The following IGFBPL1 variants were observed in gnomAD, a reference collection of about 807,000 sequenced individuals.
IGFBPL1 encodes the protein insulin like growth factor binding protein like 1, also known as insulin-like growth factor-binding protein-like 1.
In IGFBPL1, 20 loss-of-function variants were observed where a neutral mutation model predicts 23.9. The ratio of observed to expected loss-of-function variants is 0.84; its 90% CI spans 0.59 to 1.22. The LOEUF is 1.22. IGFBPL1 is among the 50% of genes most tolerant of loss of function. IGFBPL1 has a pLI of 0.00. For synonymous variants in IGFBPL1, 184 were observed against 171.8 expected (o/e 1.07, Z -0.56); for missense variants, 436 against 379.3 (o/e 1.15, Z -1.24).
rs1326535167 is a variant in IGFBPL1, at chr9:38,409,152, C to T, written c.*75G>A. The T allele has an allele frequency of 2.0e-5, 3 of 152,184 alleles. No individual in the cohort carries two copies. Among genetic ancestry groups the T allele is most frequent in the African/African-American group, 7.2e-5 (3 of 41,444 alleles). The allele number at this position is 152,184 out of a possible 1,614,324, so 9.4% of individuals were successfully genotyped here. On this transcript the variant is annotated 3_prime_UTR_variant, in exon 5 of 5. Transcript: ENST00000377694. Reference sequence around the variant, plus strand: ...ATCTACACACACAGGTTTTCCAACTCTTCATGAAGCACAAAGATCCGTTAT... The same window carrying T: ...ATCTACACACACAGGTTTTCCAACTTTTCATGAAGCACAAAGATCCGTTAT...
rs372934827 is a variant in IGFBPL1 at position 38,411,400 on chromosome 9, T to A, written c.837A>T (p.Ter279CysextTer34). ...GACTTAGAACATGTACATTTCTCCA[T>A]CACATGCGGTCATCGGGAGCTGGGA... ...FHFPAPDDRM[*>C] is the part of the protein sequence containing the mutation. The change falls in exon 4 of 5, where the codon TGA becomes TGT. Residue 279 changes from the stop codon to cysteine (C), a stop_lost. Coordinates refer to ENST00000377694, the MANE Select transcript of IGFBPL1 (RefSeq NM_001007563.3). 27 of 1,612,426 alleles carry A rather than the reference T, an allele frequency of 1.7e-5. No individual in the cohort carries two copies. In the African/African-American group the frequency reaches 3.5e-4, roughly 21 times the overall value.
intron 3 of IGFBPL1, 37 bp downstream of exon 3, chr9:38,413,200 G>C: frequency 8.0e-7 from 1 of 1,254,216 alleles, no homozygotes; most frequent in South Asian, 1.2e-5. Context: ...GGTTTATAAT[G>C]GTCAGTCAAT....
chr9:38,412,790 C>T (rs1407074863), intron 3 of IGFBPL1, among the ~76,000 whole-genome samples: 1 of 152,208 alleles, frequency 6.6e-6, no homozygotes, highest in African/African-American at 2.4e-5. Context: ...TTTCCAACAT[C>T]ATCAAAGCCA....
intron 1 of IGFBPL1, among the ~76,000 whole-genome samples, chr9:38,422,291 T>C (rs1406211143): frequency 6.6e-6 from 1 of 152,204 alleles, no homozygotes; most frequent in Non-Finnish European, 1.5e-5. Flanking sequence ...TGAATGTCTT[T>C]AAGGTGCCTT....
At chr9:38,421,131 A>G (rs1821671604) in intron 1 of IGFBPL1, among the ~76,000 whole-genome samples, 1 of 151,790 alleles carries the variant, frequency 6.6e-6, no homozygotes, top group Non-Finnish European at 1.5e-5. Context: ...TGTCTCTACA[A>G]AAAATTCTAA....
At chr9:38,414,025 C>T in intron 2 of IGFBPL1, 69 bp downstream of exon 2, 2 of 887,966 alleles carry the variant, frequency 2.3e-6, no homozygotes, top group Non-Finnish European at 3.6e-6. Context: ...TCTGTTTCTC[C>T]CTCTTTCTCA....
intron 1 of IGFBPL1, among the ~76,000 whole-genome samples, chr9:38,418,377 T>C (rs1459126513): frequency 6.6e-6 from 1 of 152,142 alleles, no homozygotes; most frequent in African/African-American, 2.4e-5. Context: ...TCAAAGGCTG[T>C]TGTGAGGAAC....
Position 38,424,003 on chromosome 9 carries a change from C to A in IGFBPL1, c.422G>T (p.Gly141Val). Residue 141 changes from glycine (G) to valine (V), a missense_variant, in exon 1 of 5, where the codon GGT becomes GTT. Transcript: ENST00000377694. ...RARHTPRAHP[G>V]HLHKARDGPC... ...GCCGTCGCGCGCCTTGTGCAGGTGACCGGGGTGCGCGCGGGGCGTGTGCCG... is the reference window on the plus strand; with the variant it reads ...GCCGTCGCGCGCCTTGTGCAGGTGAACGGGGTGCGCGCGGGGCGTGTGCCG... 7.1e-7 allele frequency: 1 copy of A among 1,411,024 alleles called. No individual in the cohort carries two copies. Among genetic ancestry groups the A allele is most frequent in the Non-Finnish European group, 9.2e-7 (1 of 1,092,794 alleles). The allele number at this position is 1,411,024 out of a possible 1,614,324, so 87.4% of individuals were successfully genotyped here.
intron 1 of IGFBPL1, among the ~76,000 whole-genome samples, chr9:38,419,596 C>T (rs1821646195): frequency 6.6e-6 from 1 of 152,102 alleles, no homozygotes; most frequent in Non-Finnish European, 1.5e-5. Flanking sequence ...GACCCTGTTC[C>T]TATCTAATTT....
At position 38,407,806 on chromosome 9, in the gene IGFBPL1, C is replaced by T. The variant is rs1821448956; in HGVS notation, c.*1421G>A. 6.6e-6 allele frequency among the ~76,000 whole-genome samples: 1 copy of T among 152,202 alleles called. No homozygotes were observed. Among genetic ancestry groups the T allele is most frequent in the Admixed American group, 6.5e-5 (1 of 15,286 alleles). The stretch of plus-strand genomic sequence containing the variant: ...AGGGACATTAACACCTGTCCTGCCC[C>T]ATCTCCCAGAGTTGGGATCAAGCTT... On this transcript the variant is annotated 3_prime_UTR_variant, in exon 5 of 5. Transcript: ENST00000377694.
chr9:38,423,979 C>A lies in IGFBPL1; in HGVS notation c.446G>T (p.Gly149Val). Residue 149 changes from glycine to valine, a missense_variant, in exon 1 of 5, where the codon GGC becomes GTC. Gly to Val is a moderately radical substitution (Grantham distance 109). Coordinates refer to ENST00000377694, the MANE Select transcript of IGFBPL1 (RefSeq NM_001007563.3). ...HPGHLHKARD[G>V]PCEFAPVVVV... ...CCCTGACTCACCGAACTCGCAAGGG[C>A]CGTCGCGCGCCTTGTGCAGGTGACC... is the stretch of plus-strand genomic sequence containing the variant. 7.1e-7 allele frequency: 1 copy of A among 1,404,714 alleles called. No individual in the cohort carries two copies. The highest frequency in any genetic ancestry group is 9.2e-7 in the Non-Finnish European group (1 of 1,088,654). The allele number at this position is 1,404,714 out of a possible 1,614,324, so 87.0% of individuals were successfully genotyped here. A position where few individuals can be genotyped will look rare whatever the true frequency, so the allele number is the denominator to read the frequency against.
intron 1 of IGFBPL1, among the ~76,000 whole-genome samples, chr9:38,417,313 C>T (rs969393875): frequency 1.3e-5 from 2 of 152,184 alleles, no homozygotes; most frequent in Non-Finnish European, 2.9e-5. Context: ...CCTAGAGGAC[C>T]CTTCCACGTA....
intron 1 of IGFBPL1, among the ~76,000 whole-genome samples, chr9:38,419,364 T>C (rs1047012655): frequency 6.6e-6 from 1 of 152,154 alleles, no homozygotes; most frequent in Non-Finnish European, 1.5e-5. Flanking sequence ...GCCTCAGATC[T>C]CCTCCCTCAG....
chr9:38,414,162 T>C lies in IGFBPL1; in HGVS notation c.502A>G (p.Thr168Ala), dbSNP rs751976549. 1 of 1,611,162 alleles carries C rather than the reference T, an allele frequency of 6.2e-7. No homozygotes were observed. Among genetic ancestry groups the C allele is most frequent in the Non-Finnish European group, 8.5e-7 (1 of 1,178,904 alleles). ...VVPPRSVHNV[T>A]GAQVGLSCEV... ...CAGGACAGGCCCACCTGCGCCCCGG[T>C]GACGTTGTGAACACTTCGGGGAGGA... Residue 168 changes from threonine to alanine, a missense_variant, in exon 2 of 5, where the codon ACC becomes GCC. Physicochemically the swap from Thr to Ala is moderately conservative, Grantham distance 58. Coordinates refer to ENST00000377694, the MANE Select transcript of IGFBPL1 (RefSeq NM_001007563.3).
chr9:38,421,530 C>T (rs1821678647), intron 1 of IGFBPL1, among the ~76,000 whole-genome samples: 1 of 152,042 alleles, frequency 6.6e-6, no homozygotes, highest in South Asian at 2.1e-4. Context: ...TTCCCGAGGC[C>T]TCATTCCATG....
At chr9:38,410,408 A>G (rs12376766) in intron 4 of IGFBPL1, among the ~76,000 whole-genome samples, 4,118 of 150,890 alleles carry the variant, frequency 0.027, 85 homozygotes, top group South Asian at 0.042. Context: ...GCGTGAACCC[A>G]GGAGGCAGAG....
At chr9:38,421,438 T>C (rs1342267057) in intron 1 of IGFBPL1, among the ~76,000 whole-genome samples, 1 of 152,078 alleles carries the variant, frequency 6.6e-6, no homozygotes, top group Non-Finnish European at 1.5e-5. Flanking sequence ...AGGGCAGAAT[T>C]TAAGCCTGAA....
chr9:38,424,337 C>T lies in IGFBPL1; in HGVS notation c.88G>A (p.Asp30Asn). The T allele has an allele frequency of 4.0e-6, 4 of 1,000,258 alleles. No individual in the cohort carries two copies. Among genetic ancestry groups the T allele is most frequent in the East Asian group, 3.4e-5 (1 of 29,614 alleles). The allele number at this position is 1,000,258 out of a possible 1,614,324, so 62.0% of individuals were successfully genotyped here. The change falls in exon 1 of 5, where the codon GAC (aspartate) becomes AAC (asparagine). Residue 30 changes from aspartate (D) to asparagine (N), a missense_variant. Physicochemically the swap from Asp to Asn is conservative, Grantham distance 23. Coordinates refer to ENST00000377694, the MANE Select transcript of IGFBPL1 (RefSeq NM_001007563.3). ...CACTTGGGGCGCCGGCCGCCCACGT[C>T]GCGGATCCCAAGGCTCGGGGACAGC... ...PPLSPSLGIRDVGGRRPKCGP... is the reference protein window; with the variant it reads ...PPLSPSLGIRNVGGRRPKCGP...
At chr9:38,413,751 C>T (rs1311593218) in intron 2 of IGFBPL1, among the ~76,000 whole-genome samples, 12 of 152,096 alleles carry the variant, frequency 7.9e-5, no homozygotes, top group Admixed American at 7.9e-4. Context: ...AACACAGCCC[C>T]GAAGTGAAGC....
Sources: allele counts gnomAD v4.1 joint callset (sites outside exome capture counted in the v4.1 genomes callset), GRCh38; gene constraint gnomAD v4.1.1; transcripts MANE v1.5; gene names NCBI Gene and HGNC (gene_info 2026-07-23, HGNC 2026-07-21).